LRRC28: variants seen among roughly 807,000 people sequenced by gnomAD.
LRRC28 encodes leucine-rich repeat-containing protein 28.
In LRRC28, 39 loss-of-function variants were observed where a neutral mutation model predicts 45.7. The ratio of observed to expected loss-of-function variants is 0.85; its 90% CI spans 0.66 to 1.12. LRRC28 has a LOEUF of 1.12. Ranked by LOEUF, LRRC28 falls within the 50% of genes most tolerant of loss-of-function variation. The probability of loss-of-function intolerance (pLI) is 0.00; values close to 1 mark genes in which losing one functional copy is unlikely to be tolerated. For missense variants in LRRC28, 435 were observed against 438.5 expected (o/e 0.99, Z 0.07); for synonymous variants, 206 against 178.8 (o/e 1.15, Z -1.22).
At chr15:99,337,336 A>G (rs893592797) in intron 6 of LRRC28, among the ~76,000 whole-genome samples, 2 of 152,248 alleles carry the variant, frequency 1.3e-5, no homozygotes, top group African/African-American at 4.8e-5. Flanking sequence ...GCTTGCAGCA[A>G]CAGAGGACCT....
intron 6 of LRRC28, among the ~76,000 whole-genome samples, chr15:99,347,330 C>G (rs903095447): frequency 6.6e-6 from 1 of 152,262 alleles, no homozygotes; most frequent in East Asian, 1.9e-4. Flanking sequence ...TTGCCTCAGC[C>G]TCCCGAGTAG....
At chr15:99,283,698 A>G (rs1469870545) in intron 3 of LRRC28, among the ~76,000 whole-genome samples, 2 of 151,922 alleles carry the variant, frequency 1.3e-5, no homozygotes, top group African/African-American at 4.8e-5. Context: ...TATTAAGTAA[A>G]CATCATATTT....
rs1416890959 is a variant in LRRC28 at position 99,371,727 on chromosome 15, C to T, written c.1031+8462C>T. 2.6e-5 allele frequency among the ~76,000 whole-genome samples: 4 copies of T among 152,238 alleles called. No individual in the cohort carries two copies. The East Asian group carries it at 5.8e-4, about 22-fold the overall frequency. ...CCTCTTAAGGTGACTTATGAAATTT[C>T]CCACAAGTGAAATAGTCTTCAAAAA... is the stretch of plus-strand genomic sequence containing the variant. On this transcript the variant is annotated intron_variant, in intron 9 of 9. Transcript: ENST00000301981.
chr15:99,388,271 CAT>C lies in LRRC28; in HGVS notation c.*2172_*2173del, dbSNP rs1351743131. On this transcript the variant is annotated 3_prime_UTR_variant, in exon 10 of 10. Transcript: ENST00000301981. ...ATTTTTCTATTTCATCCTCTACAATCATATGTCATGGAATGGAGCTATGAAAT... is the reference window on the plus strand; with the variant it reads ...ATTTTTCTATTTCATCCTCTACAATCATGTCATGGAATGGAGCTATGAAAT... 1.3e-5 allele frequency: 2 copies of C among 152,218 alleles called. No homozygotes were observed. The highest frequency in any genetic ancestry group is 4.8e-5 in the African/African-American group (2 of 41,464). 9.4% of individuals were successfully genotyped at this position (152,218 alleles called of 1,614,324 possible).
intron 9 of LRRC28, 37 bp downstream of exon 9, chr15:99,363,302 A>C (rs1160782806): frequency 2.5e-6 from 4 of 1,606,792 alleles, no homozygotes; most frequent in East Asian, 2.2e-5. Flanking sequence ...GTTTACACCC[A>C]GGCAAGGGGT....
intron 3 of LRRC28, among the ~76,000 whole-genome samples, chr15:99,277,386 A>T (rs1190579596): frequency 6.6e-6 from 1 of 152,040 alleles, no homozygotes; most frequent in East Asian, 1.9e-4. Context: ...CCTTCACCTA[A>T]ATTTAACCAA....
chr15:99,382,909 A>G (rs143018410), intron 9 of LRRC28, among the ~76,000 whole-genome samples: 3 of 152,114 alleles, frequency 2.0e-5, no homozygotes, highest in East Asian at 1.9e-4. Context: ...CCCCAATTCT[A>G]TTTTTGGATT....
intron 5 of LRRC28, among the ~76,000 whole-genome samples, chr15:99,307,749 A>G (rs917536416): frequency 1.3e-5 from 2 of 152,158 alleles, no homozygotes; most frequent in African/African-American, 4.8e-5. Context: ...TCCAACACTC[A>G]TCTCAGTTTT....
At chr15:99,254,307 G>T (rs1453724377) in intron 1 of LRRC28, among the ~76,000 whole-genome samples, 5 of 152,182 alleles carry the variant, frequency 3.3e-5, no homozygotes, top group African/African-American at 1.2e-4. Context: ...TTCATACTTT[G>T]CCTTTTTATA....
At chr15:99,303,480 G>T (rs1195808167) in intron 5 of LRRC28, among the ~76,000 whole-genome samples, 1 of 152,084 alleles carries the variant, frequency 6.6e-6, no homozygotes, top group Non-Finnish European at 1.5e-5. Flanking sequence ...TGAGTAAATT[G>T]ATAAGGTGTT....
intron 5 of LRRC28, among the ~76,000 whole-genome samples, chr15:99,332,861 G>C (rs1324950026): frequency 6.6e-6 from 1 of 152,238 alleles, no homozygotes; most frequent in Non-Finnish European, 1.5e-5. Flanking sequence ...GTACTGTCAA[G>C]TGGTAGAGCT....
intron 9 of LRRC28, among the ~76,000 whole-genome samples, chr15:99,379,465 A>G (rs1159400466): frequency 1.3e-5 from 2 of 151,858 alleles, no homozygotes; most frequent in East Asian, 3.9e-4. Context: ...CAGTCTATCA[A>G]TTTTGTTGAT....
chr15:99,319,572 A>G (rs1359579404), intron 5 of LRRC28, among the ~76,000 whole-genome samples: 1 of 152,164 alleles, frequency 6.6e-6, no homozygotes, highest in Non-Finnish European at 1.5e-5. Context: ...CACCTGGGAA[A>G]TAACTTATTT....
chr15:99,283,055 G>T (rs2081851557), intron 3 of LRRC28, among the ~76,000 whole-genome samples: 1 of 151,890 alleles, frequency 6.6e-6, no homozygotes. Context: ...ACCATGCCCA[G>T]CTAATTTTTG....
intron 5 of LRRC28, among the ~76,000 whole-genome samples, chr15:99,315,473 A>G (rs1444804214): frequency 6.6e-6 from 1 of 152,182 alleles, no homozygotes; most frequent in East Asian, 1.9e-4. Flanking sequence ...GGTGGGAAAC[A>G]GAATTCTAGG....
At chr15:99,297,966 C>T (rs1297198463) in intron 5 of LRRC28, among the ~76,000 whole-genome samples, 1 of 151,704 alleles carries the variant, frequency 6.6e-6, no homozygotes, top group Non-Finnish European at 1.5e-5. Context: ...CAGAAAAATA[C>T]TCCTTTTTAG....
At chr15:99,285,107 C>T (rs376440306) in intron 3 of LRRC28, 8 of 706,376 alleles carry the variant, frequency 1.1e-5, no homozygotes, top group Middle Eastern at 4.0e-4. Flanking sequence ...GTCTTATCCA[C>T]GAAGTCATGG....
intron 5 of LRRC28, among the ~76,000 whole-genome samples, chr15:99,319,733 G>A (rs1011361896): frequency 6.6e-6 from 1 of 151,696 alleles, no homozygotes; most frequent in Non-Finnish European, 1.5e-5. Flanking sequence ...TTGGCACCTA[G>A]ACATAAATAT....
chr15:99,354,032 T>C lies in LRRC28; in HGVS notation c.695+1561T>C, dbSNP rs530824062. ...GTCTACTTTTTTATTATTAAACTTT[T>C]GTTATAGTAATAGAGAAATAAAATT... On this transcript the variant is annotated intron_variant, in intron 7 of 9. Transcript: ENST00000301981. The C allele has an allele frequency of 1.4e-4, 21 of 152,328 alleles. No individual in the cohort carries two copies. The South Asian group carries it at 4.4e-3, about 32-fold the overall frequency. 9.4% of individuals were successfully genotyped at this position (152,328 alleles called of 1,614,324 possible).
Sources: gnomAD v4.1 joint callset for allele counts (sites outside exome capture counted in the v4.1 genomes callset) on GRCh38, gnomAD v4.1.1 for gene constraint, MANE v1.5 for transcripts, NCBI Gene and HGNC (gene_info 2026-07-23, HGNC 2026-07-21) for gene names.